The following NCS1 variants were observed in gnomAD, a reference collection of about 807,000 sequenced individuals.
The protein encoded by NCS1 is frequenin homolog.
In NCS1, 6 loss-of-function variants were observed where a neutral mutation model predicts 28.4. The ratio of observed to expected loss-of-function variants is 0.21; its 90% CI spans 0.12 to 0.42. The LOEUF is 0.42. Ranked by LOEUF, NCS1 falls within the 10% of genes least tolerant of loss-of-function variation. The pLI is 1.00. For missense variants in NCS1, 131 were observed against 241.4 expected, an observed-to-expected ratio of 0.54 and a Z score of 3.03; for synonymous variants, 86 against 99.3, an observed-to-expected ratio of 0.87 and a Z score of 0.79.
chr9:130,182,683 G>A (rs1396063628), intron 1 of NCS1, among the ~76,000 whole-genome samples: 1 of 152,218 alleles, frequency 6.6e-6, no homozygotes, highest in African/African-American at 2.4e-5. Context: ...GACCGTGTGT[G>A]GGCGCTGGGC....
intron 1 of NCS1, among the ~76,000 whole-genome samples, chr9:130,176,194 C>CTTTCTTTCTTTCTTTCTTT (rs1554904576): frequency 4.0e-5 from 2 of 50,138 alleles, no homozygotes. Context: ...TTCTTTCTTT[C>CTTTCTTTCTTTCTTTCTTT]TTTTTTTTTT....
In NCS1 at chr9:130,226,329, C is replaced by T; in HGVS notation, c.475-60C>T. On this transcript the variant is annotated intron_variant, in intron 6 of 7. Coordinates refer to ENST00000372398, the MANE Select transcript of NCS1 (RefSeq NM_014286.4). This position sits in a 1 kb window ranked among gnomAD's most constrained non-coding sequence, Gnocchi z 4.8. ...CTCTTGGGACCGGCCCTGGGCTGGG[C>T]TTGTCTAGAGCCCTCTCCTGGGAGG... 6.9e-7 allele frequency: 1 copy of T among 1,457,274 alleles called. No homozygotes were observed. The highest frequency in any genetic ancestry group is 9.6e-7 in the Non-Finnish European group (1 of 1,042,140). The allele number at this position is 1,457,274 out of a possible 1,614,324, so 90.3% of individuals were successfully genotyped here.
intron 2 of NCS1, among the ~76,000 whole-genome samples, chr9:130,216,715 CAAA>C (rs76465819): frequency 9.1e-5 from 8 of 87,486 alleles, no homozygotes; most frequent in Admixed American, 1.2e-4. Flanking sequence ...GACTCTGTCT[CAAA>C]AAAAAAAAAA....
chr9:130,212,279 G>A (rs768576723), intron 2 of NCS1, among the ~76,000 whole-genome samples: 28 of 152,152 alleles, frequency 1.8e-4, no homozygotes, highest in Non-Finnish European at 3.7e-4. Flanking sequence ...GAGACCATCT[G>A]GTCCAGTGGT....
intron 2 of NCS1, among the ~76,000 whole-genome samples, chr9:130,203,246 A>G (rs1832982307): frequency 6.6e-6 from 1 of 151,730 alleles, no homozygotes; most frequent in East Asian, 1.9e-4. Flanking sequence ...CAGCCTCTCA[A>G]GTAGCTGGAA....
At position 130,177,614 on chromosome 9, in the gene NCS1, C is replaced by A. The variant is rs1832591444; in HGVS notation, c.64+4887C>A. Among the ~76,000 whole-genome samples the A allele has an allele frequency of 6.6e-6, 1 of 152,184 alleles. No individual in the cohort carries two copies. Among genetic ancestry groups the A allele is most frequent in the Admixed American group, 6.5e-5 (1 of 15,272 alleles). On this transcript the variant is annotated intron_variant, in intron 1 of 7. Transcript: ENST00000372398. This position sits in a 1 kb window ranked among gnomAD's most constrained non-coding sequence, Gnocchi z 4.4. ...CTCGGCATCGGGATGGGCATCTGGGCAAGAAACATCACCTGTGTTATTAGG... is the reference window on the plus strand; with the variant it reads ...CTCGGCATCGGGATGGGCATCTGGGAAAGAAACATCACCTGTGTTATTAGG...
intron 6 of NCS1, among the ~76,000 whole-genome samples, chr9:130,224,125 C>T (rs1833376416): frequency 6.7e-6 from 1 of 149,066 alleles, no homozygotes; most frequent in East Asian, 2.1e-4. Flanking sequence ...GGATTATAGG[C>T]GTGAGCCACC....
rs1832551818 is a variant in NCS1, at chr9:130,175,493, G to T, written c.64+2766G>T. 6.6e-6 allele frequency among the ~76,000 whole-genome samples: 1 copy of T among 152,202 alleles called. No individual in the cohort carries two copies. Among genetic ancestry groups the T allele is most frequent in the Non-Finnish European group, 1.5e-5 (1 of 68,028 alleles). On this transcript the variant is annotated intron_variant, in intron 1 of 7. Transcript: ENST00000372398. This position sits in a 1 kb window ranked among gnomAD's most constrained non-coding sequence, Gnocchi z 4.9. Reference sequence around the variant, plus strand: ...ATTTGCATCCTTGACACGTGTTTGTGCTGCAGATGGTGGTCCTGGGGAGCC... The same window carrying T: ...ATTTGCATCCTTGACACGTGTTTGTTCTGCAGATGGTGGTCCTGGGGAGCC...
chr9:130,218,531 A>G (rs1012622899), intron 3 of NCS1, among the ~76,000 whole-genome samples: 5 of 152,242 alleles, frequency 3.3e-5, no homozygotes, highest in Non-Finnish European at 5.9e-5. Context: ...CCATGATAAT[A>G]ACAGGATTAA....
chr9:130,185,971 T>C (rs1355997532), intron 1 of NCS1, among the ~76,000 whole-genome samples: 2 of 152,194 alleles, frequency 1.3e-5, no homozygotes, highest in East Asian at 3.9e-4. Context: ...CCGGCCATGA[T>C]TCCCCAGCTC....
chr9:130,182,288 C>T (rs1246819425), intron 1 of NCS1, among the ~76,000 whole-genome samples: 1 of 152,208 alleles, frequency 6.6e-6, no homozygotes, highest in African/African-American at 2.4e-5. Context: ...CAGAGCCACG[C>T]CCTTCCCACC....
chr9:130,180,218 GA>G lies in NCS1; in HGVS notation c.64+7492del, dbSNP rs554383273. Among the ~76,000 whole-genome samples the G allele has an allele frequency of 2.0e-5, 3 of 152,208 alleles. No individual in the cohort carries two copies. The South Asian group carries it at 6.2e-4, about 32-fold the overall frequency. On this transcript the variant is annotated intron_variant, in intron 1 of 7. Transcript: ENST00000372398. The surrounding 1 kb of genome is among the most constrained non-coding windows in gnomAD (Gnocchi z 4.5). ...CTGGCTAATTTTTGTATTTTTAGTG[GA>G]GATGGGGTCTTGCCATTTTGGCCAG...
intron 2 of NCS1, among the ~76,000 whole-genome samples, chr9:130,203,250 G>T (rs1216994204): frequency 1.3e-5 from 2 of 151,636 alleles, no homozygotes; most frequent in African/African-American, 2.4e-5. Flanking sequence ...CTCTCAAGTA[G>T]CTGGAACTAC....
intron 2 of NCS1, among the ~76,000 whole-genome samples, chr9:130,203,110 G>A (rs1446433207): frequency 1.4e-5 from 2 of 146,492 alleles, no homozygotes; most frequent in East Asian, 4.0e-4. Context: ...GTGTGTGTGT[G>A]TGCGTGTGTA....
In NCS1 at chr9:130,200,733, A is replaced by C. The variant is rs533879709; in HGVS notation, c.65-225A>C. On this transcript the variant is annotated intron_variant, in intron 1 of 7. Coordinates refer to ENST00000372398, the MANE Select transcript of NCS1 (RefSeq NM_014286.4). The stretch of plus-strand genomic sequence containing the variant: ...TGGCAGTGGCAGGTAGCACTTGGGC[A>C]CCGGGAAGGGGTGGGGCCAGTGTCC... 3,823 of 1,466,042 alleles carry C rather than the reference A, an allele frequency of 2.6e-3. 17 individuals are homozygous for C. Among genetic ancestry groups the C allele is most frequent in the Middle Eastern group, 9.6e-3 (52 of 5,418 alleles). The allele number at this position is 1,466,042 out of a possible 1,614,324, so 90.8% of individuals were successfully genotyped here. A position where few individuals can be genotyped will look rare whatever the true frequency, so the allele number is the denominator to read the frequency against.
chr9:130,201,011 G>GA, intron 2 of NCS1, 29 bp downstream of exon 2: 1 of 1,614,162 alleles, frequency 6.2e-7, no homozygotes, highest in Non-Finnish European at 8.5e-7. Flanking sequence ...TCAAACCGTA[G>GA]AGGGGCTGCG....
At chr9:130,187,758 C>T (rs1016152955) in intron 1 of NCS1, among the ~76,000 whole-genome samples, 6 of 152,342 alleles carry the variant, frequency 3.9e-5, no homozygotes, top group Admixed American at 2.0e-4. Context: ...CTTCACCTCT[C>T]GCCTCTGTTG....
At chr9:130,212,412 T>C (rs1470215794) in intron 2 of NCS1, among the ~76,000 whole-genome samples, 1 of 151,158 alleles carries the variant, frequency 6.6e-6, no homozygotes, top group African/African-American at 2.4e-5. Context: ...GAGATGCTGC[T>C]AAGTGTCTAC....
rs1833178208 is a variant in NCS1, at chr9:130,215,984, C to G, written c.90-1848C>G. On this transcript the variant is annotated intron_variant, in intron 2 of 7. Coordinates refer to ENST00000372398, the MANE Select transcript of NCS1 (RefSeq NM_014286.4). The surrounding 1 kb of genome is among the most constrained non-coding windows in gnomAD (Gnocchi z 4.2). ...ACCGCCCTCACTCCGGCAGCAGCAG[C>G]CACAGTACTGGCAGGAGGCTGGGTG... Among the ~76,000 whole-genome samples, 1 of 152,168 alleles carries G rather than the reference C, an allele frequency of 6.6e-6. No individual in the cohort carries two copies. The highest frequency in any genetic ancestry group is 2.4e-5 in the African/African-American group (1 of 41,432).
Sources: allele counts gnomAD v4.1 joint callset (sites outside exome capture counted in the v4.1 genomes callset), GRCh38; gene constraint gnomAD v4.1.1; non-coding constraint Gnocchi (gnomAD v3.1); transcripts MANE v1.5; gene names NCBI Gene and HGNC (gene_info 2026-07-23, HGNC 2026-07-21).